The following GALNTL6 variants were observed in gnomAD, a reference collection of about 807,000 sequenced individuals.
The protein encoded by GALNTL6 is polypeptide N-acetylgalactosaminyltransferase like 6, also known as polypeptide N-acetylgalactosaminyltransferase-like 6.
GALNTL6 carries 46 observed loss-of-function variants against 73.7 expected under a neutral mutation model. That is an observed-to-expected ratio of 0.62 (90% CI 0.49 to 0.80). The LOEUF (loss-of-function observed/expected upper bound fraction) is 0.80, where lower values mean the gene tolerates loss of function less well. GALNTL6 is among the 30% of genes least tolerant of loss of function. GALNTL6 has a pLI of 0.00. For missense variants in GALNTL6, 604 were observed against 755.0 expected, an observed-to-expected ratio of 0.80 and a Z score of 2.34; for synonymous variants, 259 against 263.7, an observed-to-expected ratio of 0.98 and a Z score of 0.17.
At chr4:171,944,517 T>C (rs554728215) in intron 2 of GALNTL6, among the ~76,000 whole-genome samples, 4 of 152,174 alleles carry the variant, frequency 2.6e-5, no homozygotes, top group Admixed American at 2.0e-4. Context: ...TTTCTACTGG[T>C]GTTTTCAAAG....
intron 5 of GALNTL6, among the ~76,000 whole-genome samples, chr4:172,648,298 GTTGTCAT>G (rs1740330006): frequency 6.6e-6 from 1 of 152,068 alleles, no homozygotes; most frequent in Non-Finnish European, 1.5e-5. Context: ...TCTAAAGTAA[GTTGTCAT>G]TTGTCATTAA....
intron 5 of GALNTL6, among the ~76,000 whole-genome samples, chr4:172,569,298 G>T (rs1736677444): frequency 6.6e-6 from 1 of 152,110 alleles, no homozygotes; most frequent in African/African-American, 2.4e-5. Context: ...GGGCAAGGGA[G>T]CTCTCGCAGG....
chr4:172,418,887 C>T (rs1730945919), intron 5 of GALNTL6, among the ~76,000 whole-genome samples: 1 of 152,066 alleles, frequency 6.6e-6, no homozygotes, highest in Non-Finnish European at 1.5e-5. Context: ...TTCATAATAA[C>T]ATAATCATTG....
chr4:171,870,931 C>T (rs1736118035), intron 2 of GALNTL6, among the ~76,000 whole-genome samples: 2 of 152,148 alleles, frequency 1.3e-5, no homozygotes, highest in South Asian at 2.1e-4. Context: ...TAGTAAATTT[C>T]TGTTGTTTAA....
intron 5 of GALNTL6, among the ~76,000 whole-genome samples, chr4:172,687,404 C>T (rs145405760): frequency 0.013 from 2,015 of 151,884 alleles, 43 homozygotes; most frequent in African/African-American, 0.046. Context: ...CTGAGGCGGG[C>T]GGATCACCAG....
At chr4:172,419,770 T>C (rs1380962517) in intron 5 of GALNTL6, among the ~76,000 whole-genome samples, 2 of 152,170 alleles carry the variant, frequency 1.3e-5, no homozygotes, top group Non-Finnish European at 2.9e-5. Context: ...AATTTGAGTG[T>C]GACTAAGAGA....
At chr4:171,900,394 GC>G (rs1357096664) in intron 2 of GALNTL6, among the ~76,000 whole-genome samples, 4 of 151,998 alleles carry the variant, frequency 2.6e-5, no homozygotes, top group Non-Finnish European at 5.9e-5. Context: ...TACAACCTCT[GC>G]CTCCCAGGTT....
At chr4:172,826,277 A>G (rs978372229) in intron 7 of GALNTL6, among the ~76,000 whole-genome samples, 2 of 152,200 alleles carry the variant, frequency 1.3e-5, no homozygotes, top group Admixed American at 6.5e-5. Context: ...GAGAGTAGGG[A>G]TGCATGGAGA....
At chr4:172,279,172 A>G (rs1468991487) in intron 3 of GALNTL6, among the ~76,000 whole-genome samples, 1 of 152,154 alleles carries the variant, frequency 6.6e-6, no homozygotes, top group Admixed American at 6.6e-5. Flanking sequence ...AATTTCTTGA[A>G]TATGACACCA....
chr4:172,317,703 C>A (rs564560233), intron 4 of GALNTL6, among the ~76,000 whole-genome samples: 43 of 151,952 alleles, frequency 2.8e-4, no homozygotes, highest in Middle Eastern at 3.4e-3. Context: ...TCTTTGTAAT[C>A]CTAGAACTCA....
intron 2 of GALNTL6, among the ~76,000 whole-genome samples, chr4:172,070,364 A>T (rs1731509857): frequency 9.1e-6 from 1 of 110,484 alleles, no homozygotes; most frequent in Non-Finnish European, 2.0e-5. Flanking sequence ...TTATGATTTG[A>T]ATATGTCCCC....
At chr4:172,881,219 T>G (rs995387667) in intron 7 of GALNTL6, among the ~76,000 whole-genome samples, 1 of 152,226 alleles carries the variant, frequency 6.6e-6, no homozygotes. Flanking sequence ...CCTAGTTTGT[T>G]GCAGCTTCAG....
At chr4:171,872,275 G>T (rs942072688) in intron 2 of GALNTL6, among the ~76,000 whole-genome samples, 1 of 152,040 alleles carries the variant, frequency 6.6e-6, no homozygotes, top group South Asian at 2.1e-4. Flanking sequence ...GCCTAAGCCA[G>T]GTAGCTGTAT....
intron 5 of GALNTL6, among the ~76,000 whole-genome samples, chr4:172,721,350 T>C (rs1003868688): frequency 7.9e-5 from 12 of 152,310 alleles, no homozygotes; most frequent in African/African-American, 2.9e-4. Context: ...GAAGAGAATA[T>C]CTACAAAGGT....
chr4:172,196,147 A>T (rs1450218396), intron 2 of GALNTL6, among the ~76,000 whole-genome samples: 1 of 152,000 alleles, frequency 6.6e-6, no homozygotes, highest in African/African-American at 2.4e-5. Context: ...TACAAACAAC[A>T]TACAGAGAAT....
intron 10 of GALNTL6, among the ~76,000 whole-genome samples, chr4:172,963,542 G>A (rs533279482): frequency 6.6e-6 from 1 of 152,298 alleles, no homozygotes; most frequent in African/African-American, 2.4e-5. Flanking sequence ...CTAGCATATA[G>A]TAGGTGCTTC....
chr4:172,646,881 C>G (rs890130379), intron 5 of GALNTL6, among the ~76,000 whole-genome samples: 1 of 151,974 alleles, frequency 6.6e-6, no homozygotes, highest in Non-Finnish European at 1.5e-5. Flanking sequence ...CTAGTCAATA[C>G]AAATCTTGAC....
chr4:172,617,756 C>T (rs2111064183), intron 5 of GALNTL6, among the ~76,000 whole-genome samples: 1 of 152,260 alleles, frequency 6.6e-6, no homozygotes, highest in African/African-American at 2.4e-5. Context: ...ACTGGGATTA[C>T]AGGCGTGAGC....
At chr4:172,918,559 G>A (rs1056313796) in intron 8 of GALNTL6, among the ~76,000 whole-genome samples, 3 of 151,996 alleles carry the variant, frequency 2.0e-5, no homozygotes, top group African/African-American at 7.2e-5. Flanking sequence ...CACATTCACA[G>A]ACCTGCATGT....
Sources: gnomAD v4.1 joint callset for allele counts (sites outside exome capture counted in the v4.1 genomes callset) on GRCh38, gnomAD v4.1.1 for gene constraint, MANE v1.5 for transcripts, NCBI Gene and HGNC (gene_info 2026-07-23, HGNC 2026-07-21) for gene names.